Variants in KIF26B observed in about 807,000 individuals in gnomAD.
KIF26B encodes kinesin-like protein KIF26B.
KIF26B carries 63 observed loss-of-function variants against 151.2 expected under a neutral mutation model. That is an observed-to-expected ratio of 0.42 (90% CI 0.34 to 0.51). KIF26B has a LOEUF of 0.51. Among genes scored for constraint, KIF26B ranks in the 20% least tolerant of loss-of-function variants. The pLI is 0.07. For synonymous variants in KIF26B, 1,357 were observed against 1,262.1 expected (o/e 1.08, Z -1.59); for missense variants, 2,813 against 2,913.6 (o/e 0.97, Z 0.79).
chr1:245,368,949 T>C (rs1260983294), intron 3 of KIF26B, among the ~76,000 whole-genome samples: 3 of 151,946 alleles, frequency 2.0e-5, no homozygotes, highest in South Asian at 4.2e-4. Flanking sequence ...AGCCTGGGCA[T>C]CCTGGCGAAA....
At chr1:245,524,722 T>C (rs1485178070) in intron 4 of KIF26B, among the ~76,000 whole-genome samples, 1 of 152,218 alleles carries the variant, frequency 6.6e-6, no homozygotes, top group Non-Finnish European at 1.5e-5. Context: ...GGCAGTTAGG[T>C]AAATACTTAA....
At chr1:245,171,716 G>T (rs1007680586) in intron 2 of KIF26B, among the ~76,000 whole-genome samples, 12 of 152,192 alleles carry the variant, frequency 7.9e-5, no homozygotes, top group African/African-American at 2.9e-4. Flanking sequence ...AACCTACAGG[G>T]TGTCCAGCAT....
intron 2 of KIF26B, among the ~76,000 whole-genome samples, chr1:245,364,051 G>A (rs1672882378): frequency 6.6e-6 from 1 of 152,192 alleles, no homozygotes. Context: ...GAGGCATGTG[G>A]CGTTAGGTAG....
chr1:245,389,806 A>G (rs183416800), intron 3 of KIF26B, among the ~76,000 whole-genome samples: 2 of 152,332 alleles, frequency 1.3e-5, no homozygotes, highest in Admixed American at 1.3e-4. Context: ...ACGCCAGCCC[A>G]ACACTGTGAA....
intron 4 of KIF26B, among the ~76,000 whole-genome samples, chr1:245,436,113 G>T (rs1193059747): frequency 6.6e-6 from 1 of 151,438 alleles, no homozygotes; most frequent in African/African-American, 2.4e-5. Context: ...GGAGGTGGAG[G>T]TTGCAGTGAG....
chr1:245,284,922 C>T (rs559572440), intron 2 of KIF26B, among the ~76,000 whole-genome samples: 1 of 152,288 alleles, frequency 6.6e-6, no homozygotes, highest in Non-Finnish European at 1.5e-5. Context: ...GCCTGTAATC[C>T]CAGCTGCTCA....
intron 4 of KIF26B, among the ~76,000 whole-genome samples, chr1:245,424,515 T>C (rs1488688395): frequency 1.3e-5 from 2 of 152,244 alleles, no homozygotes; most frequent in Non-Finnish European, 2.9e-5. Flanking sequence ...TGTTTTTAAA[T>C]GCTTACTTTC....
intron 14 of KIF26B, among the ~76,000 whole-genome samples, chr1:245,701,158 T>C (rs1449349827): frequency 6.6e-6 from 1 of 152,136 alleles, no homozygotes; most frequent in African/African-American, 2.4e-5. Context: ...ACTGTGTTTT[T>C]GATGCTGAGA....
At chr1:245,330,848 G>A (rs1672094677) in intron 2 of KIF26B, among the ~76,000 whole-genome samples, 2 of 150,026 alleles carry the variant, frequency 1.3e-5, no homozygotes, top group South Asian at 4.3e-4. Context: ...GGTGTCGGAG[G>A]ATGTCTGATA....
rs199622082 is a variant in KIF26B at position 245,581,405 on chromosome 1, AAGAT to A, written c.1351-21158_1351-21155del. On this transcript the variant is annotated intron_variant, in intron 5 of 14. Coordinates refer to ENST00000407071, the MANE Select transcript of KIF26B (RefSeq NM_018012.4). ...CATTATAGTGATGAAGAAAGAAAGA[AAGAT>A]AGATAGATAGATAATAGAGAAATAG... Among the ~76,000 whole-genome samples, 1,251 of 151,508 alleles carry A rather than the reference AAGAT, an allele frequency of 8.3e-3. 18 individuals are homozygous for A. The highest frequency in any genetic ancestry group is 0.025 in the South Asian group (121 of 4,818).
chr1:245,584,597 T>C (rs2043205753), intron 5 of KIF26B, among the ~76,000 whole-genome samples: 2 of 152,174 alleles, frequency 1.3e-5, no homozygotes, highest in African/African-American at 4.8e-5. Context: ...GGCTTCCTAA[T>C]GAGTATCATT....
intron 10 of KIF26B, among the ~76,000 whole-genome samples, chr1:245,653,572 CAGAA>C (rs1354482216): frequency 3.9e-5 from 6 of 152,086 alleles, no homozygotes; most frequent in Non-Finnish European, 5.9e-5. Context: ...AACTGAGACA[CAGAA>C]AGGTTGAGTA....
intron 10 of KIF26B, among the ~76,000 whole-genome samples, chr1:245,680,772 T>A (rs1029341848): frequency 6.6e-6 from 1 of 152,186 alleles, no homozygotes; most frequent in African/African-American, 2.4e-5. Context: ...GGTTTCACAG[T>A]CATTCTCCGA....
chr1:245,233,565 G>A (rs3008469), intron 2 of KIF26B, among the ~76,000 whole-genome samples: 76,452 of 151,948 alleles, frequency 0.5, 22,587 homozygotes, highest in Non-Finnish European at 0.65. Context: ...CATAAAGTGT[G>A]AGAAACACTG....
At position 245,688,211 on chromosome 1, in the gene KIF26B, C is replaced by T. The variant is rs754982021; in HGVS notation, c.5228C>T (p.Pro1743Leu). The T allele has an allele frequency of 6.3e-7, 1 of 1,589,754 alleles. No individual in the cohort carries two copies. Among genetic ancestry groups the T allele is most frequent in the Non-Finnish European group, 8.5e-7 (1 of 1,173,040 alleles). Residue 1743 changes from proline to leucine, a missense_variant, in exon 12 of 15, where the codon CCC becomes CTC. Physicochemically the swap from Pro to Leu is moderately conservative, Grantham distance 98. This residue lies in a region of KIF26B where 2,060 missense variants were observed against 2,088.6 expected (regional missense o/e 0.99). Transcript: ENST00000407071. ...SAVSRLLLAS[P>L]RARGPSASTT... ...GTGAGCAGACTCCTCCTGGCCAGCC[C>T]CAGAGCGCGCGGCCCGTCCGCCTCC...
rs1296819979 is a variant in KIF26B at position 245,703,151 on chromosome 1, G to A, written c.*545G>A. 1 of 152,792 alleles carries A rather than the reference G, an allele frequency of 6.5e-6. No homozygotes were observed. The allele number at this position is 152,792 out of a possible 1,614,324, so 9.5% of individuals were successfully genotyped here. ...TATTCACAGCTCTTTTTCTCTTGGTGTTTTATCCTATTTCTGACTTGCTGT... is the reference window on the plus strand; with the variant it reads ...TATTCACAGCTCTTTTTCTCTTGGTATTTTATCCTATTTCTGACTTGCTGT... On this transcript the variant is annotated 3_prime_UTR_variant, in exon 15 of 15. Coordinates refer to ENST00000407071, the MANE Select transcript of KIF26B (RefSeq NM_018012.4).
intron 4 of KIF26B, among the ~76,000 whole-genome samples, chr1:245,438,486 A>C (rs1197096618): frequency 1.3e-5 from 2 of 152,222 alleles, no homozygotes; most frequent in African/African-American, 4.8e-5. Flanking sequence ...TCATGCCAGA[A>C]GCGGTGGAAT....
At chr1:245,479,398 T>C (rs887688354) in intron 4 of KIF26B, among the ~76,000 whole-genome samples, 4 of 151,898 alleles carry the variant, frequency 2.6e-5, no homozygotes. Flanking sequence ...AGCCAGGTAT[T>C]AATATCTTAG....
intron 4 of KIF26B, among the ~76,000 whole-genome samples, chr1:245,465,039 C>G (rs12354185): frequency 7.3e-6 from 1 of 136,644 alleles, no homozygotes; most frequent in African/African-American, 2.8e-5. Flanking sequence ...AGTGCAGGGG[C>G]GCGATCTCGG....
Sources: allele counts gnomAD v4.1 joint callset (sites outside exome capture counted in the v4.1 genomes callset), GRCh38; gene constraint gnomAD v4.1.1; regional missense constraint gnomAD v4.1.1; transcripts MANE v1.5; gene names NCBI Gene and HGNC (gene_info 2026-07-23, HGNC 2026-07-21).